Variants in NEO1 observed in about 807,000 individuals in gnomAD.
NEO1 encodes the protein neogenin 1.
NEO1 carries 63 observed loss-of-function variants against 159.7 expected under a neutral mutation model. That is an observed-to-expected ratio of 0.39 (90% confidence interval 0.32 to 0.49). NEO1 has a LOEUF of 0.49. NEO1 is among the 20% of genes least tolerant of loss of function. The pLI is 0.85. For missense variants in NEO1, 1,615 were observed against 1,831.0 expected, an observed-to-expected ratio of 0.88 and a Z score of 2.15; for synonymous variants, 633 against 662.0, an observed-to-expected ratio of 0.96 and a Z score of 0.67.
intron 5 of NEO1, among the ~76,000 whole-genome samples, chr15:73,157,837 T>G (rs2033888479): frequency 8.0e-6 from 1 of 124,834 alleles, no homozygotes; most frequent in South Asian, 2.9e-4. Flanking sequence ...ATTGAAAACT[T>G]TAACAATTCC....
At chr15:73,217,777 G>A (rs2037984517) in intron 7 of NEO1, among the ~76,000 whole-genome samples, 3 of 152,334 alleles carry the variant, frequency 2.0e-5, no homozygotes, top group Middle Eastern at 3.4e-3. Flanking sequence ...CATTGATTTT[G>A]TATCCTGAGA....
intron 5 of NEO1, among the ~76,000 whole-genome samples, chr15:73,169,575 A>AT (rs1322827743): frequency 2.0e-5 from 3 of 148,134 alleles, no homozygotes; most frequent in Admixed American, 1.4e-4. Flanking sequence ...GCTTATGATG[A>AT]TTTTTTCTAA....
intron 1 of NEO1, among the ~76,000 whole-genome samples, chr15:73,105,413 G>T (rs1367651940): frequency 5.3e-5 from 8 of 152,170 alleles, no homozygotes; most frequent in African/African-American, 1.9e-4. Context: ...GTTTTCTCTT[G>T]ATGTCTTAAT....
At chr15:73,299,576 G>A (rs1407675114) in intron 27 of NEO1, among the ~76,000 whole-genome samples, 2 of 152,158 alleles carry the variant, frequency 1.3e-5, no homozygotes, top group East Asian at 1.9e-4. Context: ...TAGTAGAGAC[G>A]GGGTTTCACC....
intron 8 of NEO1, among the ~76,000 whole-genome samples, chr15:73,241,003 G>A (rs964291904): frequency 1.3e-5 from 2 of 152,150 alleles, no homozygotes; most frequent in Non-Finnish European, 2.9e-5. Flanking sequence ...AGAATTCAAT[G>A]TGAGAATGTA....
rs2067505708 is a variant in NEO1 at position 73,052,643 on chromosome 15, T to TCGCCGCCGCTGC, written c.-29_-18dup. 2.4e-6 allele frequency: 3 copies of TCGCCGCCGCTGC among 1,227,274 alleles called. No homozygotes were observed. The highest frequency in any genetic ancestry group is 7.9e-5 in the East Asian group (2 of 25,428). 76.0% of individuals were successfully genotyped at this position (1,227,274 alleles called of 1,614,324 possible). On this transcript the variant is annotated 5_prime_UTR_variant, in exon 1 of 29. Transcript: ENST00000261908. ...AGGAGGCAAGGGCTCCGCGGCGCTGTCGCCGCCGCTGCCGCTCACTCTCGG... is the reference window on the plus strand; with the variant it reads ...AGGAGGCAAGGGCTCCGCGGCGCTGTCGCCGCCGCTGCCGCCGCCGCTGCCGCTCACTCTCGG...
intron 27 of NEO1, among the ~76,000 whole-genome samples, chr15:73,299,443 T>TGGGGC (rs1273316429): frequency 6.6e-6 from 1 of 151,752 alleles, no homozygotes; most frequent in African/African-American, 2.4e-5. Context: ...TGGAGTACAG[T>TGGGGC]GGGGCAATCT....
At chr15:73,281,827 A>T (rs2041732077) in intron 22 of NEO1, among the ~76,000 whole-genome samples, 1 of 152,230 alleles carries the variant, frequency 6.6e-6, no homozygotes, top group Non-Finnish European at 1.5e-5. Flanking sequence ...TACATAAATA[A>T]TGAGTAGGGA....
At chr15:73,052,185 C>T (rs2067465588), upstream of NEO1, among the ~76,000 whole-genome samples, 2 of 145,854 alleles carry the variant, frequency 1.4e-5, no homozygotes, top group East Asian at 2.0e-4. Context: ...GGAGCGGGCC[C>T]GCCACGGCCC....
chr15:73,254,625 AAC>A, intron 12 of NEO1, 55 bp from the exon 13 acceptor site: 2 of 1,477,850 alleles, frequency 1.4e-6, no homozygotes, highest in Non-Finnish European at 1.8e-6. Flanking sequence ...AAATATTTAA[AAC>A]AGGACCAAGC....
At chr15:73,218,813 C>T (rs1044658599) in intron 7 of NEO1, among the ~76,000 whole-genome samples, 2 of 151,960 alleles carry the variant, frequency 1.3e-5, no homozygotes, top group East Asian at 1.9e-4. Context: ...TGATTCTTCT[C>T]TCTTTTTTTA....
chr15:73,299,215 A>G (rs1176515288), intron 27 of NEO1, among the ~76,000 whole-genome samples: 1 of 152,166 alleles, frequency 6.6e-6, no homozygotes, highest in African/African-American at 2.4e-5. Flanking sequence ...TTTATAGCTT[A>G]AAAGCTATTG....
chr15:73,131,286 C>A (rs1325409903), intron 4 of NEO1, among the ~76,000 whole-genome samples: 1 of 152,178 alleles, frequency 6.6e-6, no homozygotes, highest in South Asian at 2.1e-4. Context: ...GTCATCATAG[C>A]ATCACTTCAG....
chr15:73,109,651 T>C (rs1426487192), intron 1 of NEO1, among the ~76,000 whole-genome samples: 5 of 152,032 alleles, frequency 3.3e-5, no homozygotes, highest in Non-Finnish European at 7.4e-5. Context: ...CTATAGAAAT[T>C]GAATCACCCT....
chr15:73,283,524 C>G (rs2041816248), intron 23 of NEO1, among the ~76,000 whole-genome samples: 1 of 152,186 alleles, frequency 6.6e-6, no homozygotes, highest in Non-Finnish European at 1.5e-5. Context: ...CCAGCCTCCT[C>G]CCAGCGGGCA....
chr15:73,232,833 G>T (rs2038981445), intron 7 of NEO1, among the ~76,000 whole-genome samples: 1 of 152,142 alleles, frequency 6.6e-6, no homozygotes, highest in African/African-American at 2.4e-5. Context: ...AGCTCTTCTG[G>T]CAACAGCAGC....
chr15:73,295,317 C>T (rs2042321609), intron 26 of NEO1, among the ~76,000 whole-genome samples: 1 of 151,780 alleles, frequency 6.6e-6, no homozygotes, highest in Non-Finnish European at 1.5e-5. Context: ...GCCTCCACAC[C>T]TGCTCTTAGA....
intron 9 of NEO1, among the ~76,000 whole-genome samples, chr15:73,247,163 G>T (rs1449930987): frequency 1.3e-5 from 2 of 152,178 alleles, no homozygotes; most frequent in Non-Finnish European, 2.9e-5. Flanking sequence ...ACATGTTTTG[G>T]CAAAAGAGAA....
intron 7 of NEO1, among the ~76,000 whole-genome samples, chr15:73,200,535 G>C (rs2099946029): frequency 6.6e-6 from 1 of 151,436 alleles, no homozygotes; most frequent in East Asian, 1.9e-4. Context: ...GAGAGAGAGA[G>C]AGAGAGGACT....
Sources: allele counts gnomAD v4.1 joint callset (sites outside exome capture counted in the v4.1 genomes callset), GRCh38; gene constraint gnomAD v4.1.1; transcripts MANE v1.5; gene names NCBI Gene and HGNC (gene_info 2026-07-23, HGNC 2026-07-21).